SP100: variants seen among roughly 807,000 people sequenced by gnomAD.
The protein encoded by SP100 is nuclear autoantigen Sp-100.
A neutral mutation model predicts 130.0 loss-of-function variants in SP100; 84 were observed. That is an observed-to-expected ratio of 0.65 (90% CI 0.54 to 0.77). The LOEUF (loss-of-function observed/expected upper bound fraction) is 0.77, where lower values mean the gene tolerates loss of function less well. Ranked by LOEUF, SP100 falls within the 30% of genes least tolerant of loss-of-function variation. SP100 has a pLI of 0.00. For missense variants in SP100, 978 were observed against 1,052.2 expected, an observed-to-expected ratio of 0.93 and a Z score of 0.97; for synonymous variants, 331 against 351.7, an observed-to-expected ratio of 0.94 and a Z score of 0.66.
intron 2 of SP100, 27 bp from the exon 3 acceptor site, chr2:230,442,909 AT>A: frequency 6.2e-7 from 1 of 1,603,180 alleles, no homozygotes; most frequent in Non-Finnish European, 8.5e-7. Context: ...CTTGATGACC[AT>A]TTTCACATGG....
rs1345031587 is a variant in SP100 at position 230,442,995 on chromosome 2, C to T, written c.166C>T (p.His56Tyr). 5 of 1,613,658 alleles carry T rather than the reference C, an allele frequency of 3.1e-6. No individual in the cohort carries two copies. Among genetic ancestry groups the T allele is most frequent in the Non-Finnish European group, 1.7e-6 (2 of 1,179,728 alleles). ...DRLLYDIVFK[H>Y]FKRNKVEISN... ...GCTGCTCTATGACATTGTATTCAAG[C>T]ACTTCAAAAGAAATAAGGTGGAGAT... The change falls in exon 3 of 29, where the codon CAC (histidine) becomes TAC (tyrosine). Residue 56 changes from histidine to tyrosine, a missense_variant. Physicochemically the swap from His to Tyr is moderately conservative, Grantham distance 83 (BLOSUM62 2). Coordinates refer to ENST00000340126, the MANE Select transcript of SP100 (RefSeq NM_001080391.2).
intron 2 of SP100, among the ~76,000 whole-genome samples, chr2:230,422,005 C>T (rs968980823): frequency 6.6e-6 from 1 of 152,022 alleles, no homozygotes; most frequent in Non-Finnish European, 1.5e-5. Flanking sequence ...CTAGATTGAT[C>T]CTCTAGAGAC....
At chr2:230,456,010 T>G (rs10804365) in intron 8 of SP100, among the ~76,000 whole-genome samples, 96,126 of 152,024 alleles carry the variant, frequency 0.63, 31,414 homozygotes, top group Non-Finnish European at 0.7. Flanking sequence ...CTTTACCAGT[T>G]AGTTTTATAC....
At chr2:230,493,778 TTC>T (rs1334483139) in intron 17 of SP100, 1 of 152,218 alleles carries the variant, frequency 6.6e-6, no homozygotes, top group African/African-American at 2.4e-5. Flanking sequence ...TTTTTTTTAT[TTC>T]TCTTTTTTGA....
intron 7 of SP100, 134 bp from the exon 8 acceptor site, chr2:230,450,038 C>T (rs973329063): frequency 4.1e-5 from 27 of 658,976 alleles, no homozygotes; most frequent in Non-Finnish European, 6.2e-5. Flanking sequence ...AACACCTTCA[C>T]GCAGCAATAT....
intron 17 of SP100, among the ~76,000 whole-genome samples, chr2:230,478,499 T>G (rs995762901): frequency 1.3e-5 from 2 of 152,200 alleles, no homozygotes; most frequent in Non-Finnish European, 2.9e-5. Flanking sequence ...AAAGACACAC[T>G]TCCATATTTT....
chr2:230,508,773 G>A (rs1487573981), intron 23 of SP100: 1 of 152,048 alleles, frequency 6.6e-6, no homozygotes, highest in African/African-American at 2.4e-5. Flanking sequence ...TAAATATGAA[G>A]CAAAAGTTCC....
At chr2:230,506,629 A>T in intron 22 of SP100, 184 bp downstream of exon 22, 1 of 575,750 alleles carries the variant, frequency 1.7e-6, no homozygotes, top group South Asian at 2.4e-5. Context: ...ATTACAGCTT[A>T]ATCCTCTAAG....
chr2:230,511,272 T>C (rs1690567594), intron 24 of SP100, 106 bp downstream of exon 24: 2 of 840,490 alleles, frequency 2.4e-6, no homozygotes, highest in African/African-American at 1.7e-5. Context: ...TCAGTTGGAG[T>C]ATGTTGCTGT....
chr2:230,417,046 G>A (rs1575576636), intron 1 of SP100, among the ~76,000 whole-genome samples: 1 of 152,146 alleles, frequency 6.6e-6, no homozygotes, highest in African/African-American at 2.4e-5. Flanking sequence ...GAAATACACT[G>A]TACATTATTG....
intron 11 of SP100, among the ~76,000 whole-genome samples, chr2:230,465,404 A>C (rs749828767): frequency 6.6e-6 from 1 of 152,192 alleles, no homozygotes; most frequent in Non-Finnish European, 1.5e-5. Flanking sequence ...GTCTCAAAAA[A>C]AATAAGTAAA....
chr2:230,521,685 T>C (rs539567699), intron 24 of SP100, among the ~76,000 whole-genome samples: 2 of 152,246 alleles, frequency 1.3e-5, no homozygotes, highest in South Asian at 2.1e-4. Flanking sequence ...CAGATTTTGG[T>C]TTCCTGACAG....
At chr2:230,500,554 A>C (rs2066962242) in intron 19 of SP100, among the ~76,000 whole-genome samples, 1 of 152,260 alleles carries the variant, frequency 6.6e-6, no homozygotes, top group South Asian at 2.1e-4. Flanking sequence ...AGGGCTGAAC[A>C]TACCCAGGTT....
chr2:230,455,855 A>C (rs193070705), intron 8 of SP100, among the ~76,000 whole-genome samples: 1 of 152,208 alleles, frequency 6.6e-6, no homozygotes, highest in African/African-American at 2.4e-5. Context: ...TTTTAAGCTG[A>C]TAACAACTTA....
intron 2 of SP100, among the ~76,000 whole-genome samples, chr2:230,425,608 T>C (rs1255160501): frequency 6.6e-6 from 1 of 152,242 alleles, no homozygotes; most frequent in Non-Finnish European, 1.5e-5. Flanking sequence ...TAAATCCCAC[T>C]TGATCATAGT....
chr2:230,441,593 G>C (rs2063470140), intron 2 of SP100, among the ~76,000 whole-genome samples: 1 of 152,102 alleles, frequency 6.6e-6, no homozygotes, highest in South Asian at 2.1e-4. Flanking sequence ...ACATCAACAT[G>C]AATGATAAGC....
chr2:230,417,465 A>T (rs186944376), intron 1 of SP100, 126 bp from the exon 2 acceptor site: 6 of 1,209,450 alleles, frequency 5.0e-6, no homozygotes, highest in Non-Finnish European at 6.7e-6. Context: ...CATAACAATG[A>T]TTATATATTT....
chr2:230,481,934 G>A lies in SP100; in HGVS notation c.1600+7487G>A, dbSNP rs2065850988. ...GTTTCAGCTCAGGTGTCTCCTCCAT[G>A]GAGAGGCCTTGCCTGATCTCCATAT... On this transcript the variant is annotated intron_variant, in intron 17 of 28. Transcript: ENST00000340126. Among the ~76,000 whole-genome samples the A allele has an allele frequency of 5.3e-5, 8 of 152,240 alleles. 1 individual carries two copies. The South Asian group carries it at 1.7e-3, about 32-fold the overall frequency.
In SP100 at chr2:230,444,077, C is replaced by T. The variant is rs373266459; in HGVS notation, c.271-101C>T. On this transcript the variant is annotated intron_variant, in intron 3 of 28. Coordinates refer to ENST00000340126, the MANE Select transcript of SP100 (RefSeq NM_001080391.2). ...ATAGAACCTCACATGAAAATACCTA[C>T]GTAGAGAAATTAGAATACAGTAACC... is the stretch of plus-strand genomic sequence containing the variant. 92 of 854,712 alleles carry T rather than the reference C, an allele frequency of 1.1e-4. 2 individuals are homozygous for T. The highest frequency in any genetic ancestry group is 5.5e-4 in the Admixed American group (19 of 34,670). The allele number at this position is 854,712 out of a possible 1,614,324, so 52.9% of individuals were successfully genotyped here.
Sources: allele counts gnomAD v4.1 joint callset (sites outside exome capture counted in the v4.1 genomes callset), GRCh38; gene constraint gnomAD v4.1.1; transcripts MANE v1.5; gene names NCBI Gene and HGNC (gene_info 2026-07-23, HGNC 2026-07-21).